The following MLN variants were observed in gnomAD, a reference collection of about 807,000 sequenced individuals.
MLN encodes the protein motilin.
A neutral mutation model predicts 13.3 loss-of-function variants in MLN; 14 were observed. The ratio of observed to expected loss-of-function variants is 1.05; its 90% CI spans 0.69 to 1.64. The LOEUF (loss-of-function observed/expected upper bound fraction) is 1.64. Ranked by LOEUF, MLN falls within the 40% of genes most tolerant of loss-of-function variation. MLN has a pLI of 0.00. For missense variants in MLN, 122 were observed against 142.9 expected (o/e 0.85, Z 0.75); for synonymous variants, 59 against 54.7 (o/e 1.08, Z -0.34).
chr6:33,796,037 G>T (rs1267761945), intron 3 of MLN, among the ~76,000 whole-genome samples: 2 of 146,478 alleles, frequency 1.4e-5, no homozygotes, highest in African/African-American at 5.1e-5. Flanking sequence ...TCGGCTCACT[G>T]CAAGCTCCGC....
intron 3 of MLN, among the ~76,000 whole-genome samples, chr6:33,797,334 C>G (rs1208344915): frequency 1.3e-5 from 2 of 152,210 alleles, no homozygotes; most frequent in African/African-American, 2.4e-5. Context: ...CTTGAAATTC[C>G]CTCTAACCAC....
At chr6:33,796,758 C>T (rs924926358) in intron 3 of MLN, among the ~76,000 whole-genome samples, 1 of 152,228 alleles carries the variant, frequency 6.6e-6, no homozygotes, top group Non-Finnish European at 1.5e-5. Flanking sequence ...AGGGTCCTTA[C>T]TTAACACAAG....
Position 33,803,764 on chromosome 6 carries a change from G to A in MLN, c.-8+189C>T, listed in dbSNP as rs555964891. On this transcript the variant is annotated intron_variant, in intron 1 of 4. Coordinates refer to ENST00000430124, the MANE Select transcript of MLN (RefSeq NM_002418.3). This position sits in a 1 kb window ranked among gnomAD's most constrained non-coding sequence, Gnocchi z 4.5. The stretch of plus-strand genomic sequence containing the variant: ...TTGTACCCACCTGCTTGCCTCCAGC[G>A]TCTGTGCCTCAGCCCTGCCTCTGCT... 1.3e-5 allele frequency among the ~76,000 whole-genome samples: 2 copies of A among 152,318 alleles called. No homozygotes were observed. Among genetic ancestry groups the A allele is most frequent in the South Asian group, 2.1e-4 (1 of 4,828 alleles).
rs938378612 is a variant in MLN, at chr6:33,803,827, G to A, written c.-8+126C>T. ...GGGAATCAGCGCGGGCACTCAGTGCGAAGCCCGGCTGGGCACTGGAAGGTG... is the reference window on the plus strand; with the variant it reads ...GGGAATCAGCGCGGGCACTCAGTGCAAAGCCCGGCTGGGCACTGGAAGGTG... On this transcript the variant is annotated intron_variant, in intron 1 of 4. Transcript: ENST00000430124. The surrounding 1 kb of genome is among the most constrained non-coding windows in gnomAD (Gnocchi z 4.5). 4 of 152,480 alleles carry A rather than the reference G, an allele frequency of 2.6e-5. No individual in the cohort carries two copies. The highest frequency in any genetic ancestry group is 6.5e-5 in the Admixed American group (1 of 15,294). The allele number at this position is 152,480 out of a possible 1,614,324, so 9.4% of individuals were successfully genotyped here.
rs921462023 is a variant in MLN at position 33,803,611 on chromosome 6, T to G, written c.-8+342A>C. ...ATGAGCCACTGCAGGGCCAAATTTT[T>G]CTTACCTTTCCAGAGCAAAGCCACC... On this transcript the variant is annotated intron_variant, in intron 1 of 4. Transcript: ENST00000430124. The surrounding 1 kb of genome is among the most constrained non-coding windows in gnomAD (Gnocchi z 4.5). Among the ~76,000 whole-genome samples the G allele has an allele frequency of 1.3e-5, 2 of 152,180 alleles. No homozygotes were observed. The highest frequency in any genetic ancestry group is 2.1e-4 in the South Asian group (1 of 4,824).
rs11758463 is a variant in MLN, at chr6:33,794,848, A to G, written c.338-13T>C. On this transcript the variant is annotated splice_polypyrimidine_tract_variant and intron_variant, in intron 4 of 4. Coordinates refer to ENST00000430124, the MANE Select transcript of MLN (RefSeq NM_002418.3). ...CATCACTTGGCTGCTGGAGAAAAGC[A>G]GAGGTTTGCGCTCAGTACCATCATC... 367,047 of 1,612,432 alleles carry G rather than the reference A, an allele frequency of 0.23. 43,242 individuals carry two copies. Among genetic ancestry groups the G allele is most frequent in the Admixed American group, 0.33 (19,943 of 59,738 alleles).
Position 33,799,225 on chromosome 6 carries a change from G to A in MLN, c.118-4C>T. 6.2e-7 allele frequency: 1 copy of A among 1,605,220 alleles called. No homozygotes were observed. Among genetic ancestry groups the A allele is most frequent in the Non-Finnish European group, 8.5e-7 (1 of 1,172,994 alleles). Reference sequence around the variant, plus strand: ...GCCCTTTATTCCGTTCCTTTTCCTAGGGGCAGAACAGAAAATTGCACAAAA... The same window carrying A: ...GCCCTTTATTCCGTTCCTTTTCCTAAGGGCAGAACAGAAAATTGCACAAAA... On this transcript the variant is annotated splice_polypyrimidine_tract_variant and splice_region_variant and intron_variant, in intron 2 of 4. Transcript: ENST00000430124. The surrounding 1 kb of genome is among the most constrained non-coding windows in gnomAD (Gnocchi z 4.6).
At chr6:33,801,247 C>A in intron 1 of MLN, 77 bp from the exon 2 acceptor site, 1 of 1,054,666 alleles carries the variant, frequency 9.5e-7, no homozygotes. Context: ...CAGGGGCCCT[C>A]AGTTCTGGCC....
At position 33,800,157 on chromosome 6, in the gene MLN, G is replaced by T. The variant is rs148851596; in HGVS notation, c.117+890C>A. Among the ~76,000 whole-genome samples the T allele has an allele frequency of 4.8e-3, 724 of 152,278 alleles. 5 individuals are homozygous for T. The highest frequency in any genetic ancestry group is 0.013 in the African/African-American group (553 of 41,546). The stretch of plus-strand genomic sequence containing the variant: ...ACATAAAGTGGGCAGTTGCAGACAG[G>T]CTGTGCCCCAGAGCCTCGAGACCTC... On this transcript the variant is annotated intron_variant, in intron 2 of 4. Coordinates refer to ENST00000430124, the MANE Select transcript of MLN (RefSeq NM_002418.3).
intron 3 of MLN, among the ~76,000 whole-genome samples, chr6:33,798,147 C>T (rs1201658388): frequency 3.3e-5 from 5 of 152,074 alleles, no homozygotes; most frequent in East Asian, 1.9e-4. Context: ...CGTCTCCTTG[C>T]GGCTCTGTTT....
chr6:33,802,866 C>G (rs1760878346), intron 1 of MLN, among the ~76,000 whole-genome samples: 3 of 152,154 alleles, frequency 2.0e-5, no homozygotes, highest in Non-Finnish European at 2.9e-5. Flanking sequence ...CCTGAAGAGT[C>G]TCTGGGGCCT....
At chr6:33,796,687 G>A (rs967005638) in intron 3 of MLN, among the ~76,000 whole-genome samples, 1 of 152,204 alleles carries the variant, frequency 6.6e-6, no homozygotes, top group African/African-American at 2.4e-5. Context: ...AAGGGCCCCA[G>A]TCCAGTTCTG....
intron 3 of MLN, among the ~76,000 whole-genome samples, chr6:33,797,469 C>G (rs1205885811): frequency 2.0e-5 from 3 of 152,228 alleles, no homozygotes; most frequent in Admixed American, 1.3e-4. Flanking sequence ...CAGGCCCGAT[C>G]TGACTCCCTG....
Position 33,798,990 on chromosome 6 carries a change from G to A in MLN, c.234+115C>T, listed in dbSNP as rs993573334. The A allele has an allele frequency of 1.7e-5, 11 of 640,376 alleles. No homozygotes were observed. The East Asian group carries it at 1.9e-4, about 11-fold the overall frequency. 39.7% of individuals were successfully genotyped at this position (640,376 alleles called of 1,614,324 possible). A position where few individuals can be genotyped will look rare whatever the true frequency, so the allele number is the denominator to read the frequency against. ...ATTGCCTGGATGTCTTGCTCACTGC[G>A]ATATCCTAGGACACTCTGAGGCTCA... On this transcript the variant is annotated intron_variant, in intron 3 of 4. Transcript: ENST00000430124.
intron 2 of MLN, among the ~76,000 whole-genome samples, chr6:33,800,555 A>G (rs1768018848): frequency 6.6e-6 from 1 of 152,242 alleles, no homozygotes; most frequent in Admixed American, 6.5e-5. Context: ...CAGGCTTCCA[A>G]GCACGCTCCA....
chr6:33,795,587 T>C lies in MLN; in HGVS notation c.253A>G (p.Ile85Val). Reference protein sequence around the residue: ...EMIKLTAPLEIGMRMNSRQLE... With the variant: ...EMIKLTAPLEVGMRMNSRQLE... The stretch of plus-strand genomic sequence containing the variant: ...TGTCTGGAGTTCATCCTCATTCCAA[T>C]TTCCAGAGGAGCAGTCAGCTGTGAA... Residue 85 changes from isoleucine (I) to valine (V), a missense_variant, in exon 4 of 5, where the codon ATT (isoleucine) becomes GTT (valine). Transcript: ENST00000430124. The C allele has an allele frequency of 6.4e-7, 1 of 1,559,450 alleles. No homozygotes were observed. The highest frequency in any genetic ancestry group is 8.7e-7 in the Non-Finnish European group (1 of 1,150,452).
Position 33,799,058 on chromosome 6 carries a change from C to T in MLN, c.234+47G>A. 3 of 1,348,442 alleles carry T rather than the reference C, an allele frequency of 2.2e-6. No homozygotes were observed. The highest frequency in any genetic ancestry group is 3.2e-6 in the Non-Finnish European group (3 of 947,000). 83.5% of individuals were successfully genotyped at this position (1,348,442 alleles called of 1,614,324 possible). Reference sequence around the variant, plus strand: ...TGCCTCCAGGCCAGGCAGGGGAATGCATGCCCTGCTCTGAGTTTCTCTCCT... The same window carrying T: ...TGCCTCCAGGCCAGGCAGGGGAATGTATGCCCTGCTCTGAGTTTCTCTCCT... On this transcript the variant is annotated intron_variant, in intron 3 of 4. Transcript: ENST00000430124. This position sits in a 1 kb window ranked among gnomAD's most constrained non-coding sequence, Gnocchi z 4.6.
intron 1 of MLN, 32 bp from the exon 2 acceptor site, chr6:33,801,202 G>T: frequency 1.3e-6 from 2 of 1,544,880 alleles, no homozygotes; most frequent in African/African-American, 1.4e-5. Flanking sequence ...TTGTCACTAA[G>T]TTTGGGGTAC....
intron 1 of MLN, among the ~76,000 whole-genome samples, chr6:33,801,710 A>G (rs1028689846): frequency 6.6e-6 from 1 of 152,212 alleles, no homozygotes; most frequent in Non-Finnish European, 1.5e-5. Flanking sequence ...AGCCAGATGG[A>G]AAAATTCAGC....
Sources: allele counts gnomAD v4.1 joint callset (sites outside exome capture counted in the v4.1 genomes callset), GRCh38; gene constraint gnomAD v4.1.1; non-coding constraint Gnocchi (gnomAD v3.1); transcripts MANE v1.5; gene names NCBI Gene and HGNC (gene_info 2026-07-23, HGNC 2026-07-21).